The following TSPAN15 variants were observed in gnomAD, a reference collection of about 807,000 sequenced individuals.
TSPAN15 encodes the protein tetraspanin 15, also known as tetraspanin-15.
A neutral mutation model predicts 34.5 loss-of-function variants in TSPAN15; 20 were observed. The ratio of observed to expected loss-of-function variants is 0.58; its 90% CI spans 0.41 to 0.84. The LOEUF (loss-of-function observed/expected upper bound fraction) is 0.84. Among genes scored for constraint, TSPAN15 ranks in the 40% least tolerant of loss-of-function variants. The pLI, the probability that TSPAN15 is intolerant of heterozygous loss-of-function variation, is 0.00. For synonymous variants in TSPAN15, 155 were observed against 153.9 expected (o/e 1.01, Z -0.05); for missense variants, 313 against 386.1 (o/e 0.81, Z 1.59).
At chr10:69,513,715 T>G in the TSPAN15 span, among the ~76,000 whole-genome samples, 1 of 152,272 alleles carries the variant, frequency 6.6e-6, no homozygotes, top group Admixed American at 6.5e-5. Flanking sequence ...TGTAACGCTC[T>G]TACATTTAAG....
intron 4 of TSPAN15, among the ~76,000 whole-genome samples, chr10:69,496,991 C>T (rs147787776): frequency 1.3e-3 from 200 of 152,294 alleles, no homozygotes; most frequent in Middle Eastern, 3.4e-3. Flanking sequence ...GTGCTGAGTG[C>T]TTCATGCATG....
intron 1 of TSPAN15, among the ~76,000 whole-genome samples, chr10:69,452,174 C>T (rs887721588): frequency 6.6e-6 from 1 of 152,212 alleles, no homozygotes; most frequent in African/African-American, 2.4e-5. Context: ...TCTTGGTTTC[C>T]TCTTTGGTGG....
chr10:69,500,214 A>T (rs1015374001), intron 5 of TSPAN15, among the ~76,000 whole-genome samples: 1 of 152,184 alleles, frequency 6.6e-6, no homozygotes, highest in Non-Finnish European at 1.5e-5. Context: ...GGAGTTGAGC[A>T]GTGATGCAGC....
chr10:69,460,577 C>T (rs1841230141), intron 1 of TSPAN15, among the ~76,000 whole-genome samples: 1 of 152,120 alleles, frequency 6.6e-6, no homozygotes, highest in Non-Finnish European at 1.5e-5. Context: ...AGGGGTCAGA[C>T]CAGCTGGCTG....
chr10:69,457,139 G>A (rs543907985), intron 1 of TSPAN15, among the ~76,000 whole-genome samples: 106 of 152,370 alleles, frequency 7.0e-4, no homozygotes, highest in African/African-American at 2.5e-3. Flanking sequence ...GTATCTTAGA[G>A]ATCCGTTTAC....
chr10:69,494,713 C>T, intron 3 of TSPAN15: 13 of 985,408 alleles, frequency 1.3e-5, no homozygotes, highest in Non-Finnish European at 1.6e-5. Context: ...GGTGCCACCC[C>T]CGGGAATTGT....
At position 69,507,168 on chromosome 10, in the gene TSPAN15, A is replaced by G. The variant is rs748984246; in HGVS notation, c.*190A>G. ...AGGGAGCAGAGCCTGGGCCTCCCCT[A>G]AGAGGCTTTCCCCGAGGCAGCTCTG... On this transcript the variant is annotated 3_prime_UTR_variant, in exon 8 of 8. Coordinates refer to ENST00000373290, the MANE Select transcript of TSPAN15 (RefSeq NM_012339.5). 110 of 1,426,572 alleles carry G rather than the reference A, an allele frequency of 7.7e-5. No individual in the cohort carries two copies. Among genetic ancestry groups the G allele is most frequent in the Non-Finnish European group, 9.8e-5 (108 of 1,097,056 alleles). 88.4% of individuals were successfully genotyped at this position (1,426,572 alleles called of 1,614,324 possible). A position where few individuals can be genotyped will look rare whatever the true frequency, so the allele number is the denominator to read the frequency against.
intron 3 of TSPAN15, chr10:69,494,661 T>C (rs1842039179): frequency 1.0e-6 from 1 of 985,440 alleles, no homozygotes; most frequent in South Asian, 4.7e-5. Context: ...TAAGCCGCGA[T>C]GGGGCCTGGA....
chr10:69,514,492 T>C, the TSPAN15 span, among the ~76,000 whole-genome samples: 1 of 152,234 alleles, frequency 6.6e-6, no homozygotes, highest in Non-Finnish European at 1.5e-5. Flanking sequence ...AAATCTTCTT[T>C]GTAGGAAGAT....
intron 1 of TSPAN15, among the ~76,000 whole-genome samples, chr10:69,455,344 G>A (rs1841063866): frequency 6.9e-6 from 1 of 144,636 alleles, no homozygotes; most frequent in Non-Finnish European, 1.5e-5. Flanking sequence ...ACTATACACA[G>A]AACTACGTAT....
chr10:69,530,781 T>TCC, the TSPAN15 span, among the ~76,000 whole-genome samples: 1 of 41,808 alleles, frequency 2.4e-5, no homozygotes, highest in Non-Finnish European at 4.7e-5. Context: ...AGAGTGAGAC[T>TCC]CTCTCTCTCT....
chr10:69,534,818 TA>T, the TSPAN15 span, among the ~76,000 whole-genome samples: 2,803 of 123,916 alleles, frequency 0.023, 63 homozygotes, highest in African/African-American at 0.059. Flanking sequence ...CCCTGTATCT[TA>T]AAAAAAAAAA....
intron 1 of TSPAN15, among the ~76,000 whole-genome samples, chr10:69,458,878 T>G (rs996088499): frequency 1.3e-5 from 2 of 152,178 alleles, no homozygotes; most frequent in Non-Finnish European, 2.9e-5. Context: ...GGACTGGACC[T>G]TGCTGCCTTT....
chr10:69,478,956 C>G (rs1410340096), intron 1 of TSPAN15, among the ~76,000 whole-genome samples: 1 of 152,186 alleles, frequency 6.6e-6, no homozygotes, highest in Non-Finnish European at 1.5e-5. Flanking sequence ...TTGCCCACAT[C>G]CCACATGGAA....
At chr10:69,494,231 C>A (rs1467926164) in intron 3 of TSPAN15, among the ~76,000 whole-genome samples, 2 of 152,158 alleles carry the variant, frequency 1.3e-5, no homozygotes, top group Non-Finnish European at 2.9e-5. Flanking sequence ...GTTTTTTGAA[C>A]AAGAGTTGGG....
Position 69,506,016 on chromosome 10 carries a change from A to T in TSPAN15, c.619-108A>T. 1.2e-6 allele frequency: 1 copy of T among 816,912 alleles called. No homozygotes were observed. Among genetic ancestry groups the T allele is most frequent in the Non-Finnish European group, 2.0e-6 (1 of 499,290 alleles). The allele number at this position is 816,912 out of a possible 1,614,324, so 50.6% of individuals were successfully genotyped here. On this transcript the variant is annotated intron_variant, in intron 6 of 7. Coordinates refer to ENST00000373290, the MANE Select transcript of TSPAN15 (RefSeq NM_012339.5). This position sits in a 1 kb window ranked among gnomAD's most constrained non-coding sequence, Gnocchi z 4.7. ...TGCTGCATATGGGAAACTGAGGATC[A>T]CAGCGGTTGAGGGACTAGCCTGGAC...
chr10:69,503,995 C>T (rs1034479545), intron 5 of TSPAN15, among the ~76,000 whole-genome samples: 7 of 152,238 alleles, frequency 4.6e-5, no homozygotes, highest in African/African-American at 1.7e-4. Flanking sequence ...GGGCCCTGCC[C>T]TGGACCTCAG....
the TSPAN15 span, among the ~76,000 whole-genome samples, chr10:69,537,303 T>A: frequency 6.6e-6 from 1 of 152,104 alleles, no homozygotes; most frequent in Admixed American, 6.6e-5. Flanking sequence ...TGGGAAAAGA[T>A]CAAAATATAA....
intron 6 of TSPAN15, 93 bp downstream of exon 6, chr10:69,504,578 C>A: frequency 3.1e-6 from 4 of 1,308,602 alleles, no homozygotes; most frequent in Non-Finnish European, 4.4e-6. Context: ...GGGGTCCTGG[C>A]CACTGAGATT....
Sources: gnomAD v4.1 joint callset for allele counts (sites outside exome capture counted in the v4.1 genomes callset) on GRCh38, gnomAD v4.1.1 for gene constraint, Gnocchi (gnomAD v3.1) non-coding constraint, MANE v1.5 for transcripts, NCBI Gene and HGNC (gene_info 2026-07-23, HGNC 2026-07-21) for gene names.